Variants in SUGCT observed in about 807,000 individuals in gnomAD.
SUGCT encodes the protein succinyl-CoA:glutarate-CoA transferase.
A neutral mutation model predicts 55.0 loss-of-function variants in SUGCT; 41 were observed. The observed-to-expected ratio is 0.74, with a 90% CI of 0.58 to 0.97. The LOEUF is 0.97. Ranked by LOEUF, SUGCT falls within the 50% of genes least tolerant of loss-of-function variation. The pLI, the probability that SUGCT is intolerant of heterozygous loss-of-function variation, is 0.00. For missense variants in SUGCT, 568 were observed against 547.8 expected (o/e 1.04, Z -0.37); for synonymous variants, 187 against 200.4 (o/e 0.93, Z 0.56).
At chr7:40,835,687 AC>A (rs780935244) in intron 13 of SUGCT, among the ~76,000 whole-genome samples, 5 of 152,204 alleles carry the variant, frequency 3.3e-5, no homozygotes, top group Non-Finnish European at 5.9e-5. Flanking sequence ...GCTTTTAAAA[AC>A]ATAAACATAT....
intron 9 of SUGCT, among the ~76,000 whole-genome samples, chr7:40,336,441 A>T (rs1416591781): frequency 6.6e-6 from 1 of 152,152 alleles, no homozygotes; most frequent in African/African-American, 2.4e-5. Context: ...TTATTGGTCT[A>T]TTCAGGGATT....
intron 9 of SUGCT, among the ~76,000 whole-genome samples, chr7:40,440,035 T>C (rs1788418231): frequency 6.6e-6 from 1 of 151,886 alleles, no homozygotes. Flanking sequence ...TTAACTCCCT[T>C]TTTTTCCTAC....
chr7:40,484,557 C>T (rs1439922569), intron 11 of SUGCT, among the ~76,000 whole-genome samples: 2 of 152,080 alleles, frequency 1.3e-5, no homozygotes, highest in Non-Finnish European at 2.9e-5. Flanking sequence ...CTGAATGAAC[C>T]TAGAGAAATA....
chr7:40,286,450 A>G (rs1465223236), intron 8 of SUGCT, among the ~76,000 whole-genome samples: 1 of 152,124 alleles, frequency 6.6e-6, no homozygotes, highest in Non-Finnish European at 1.5e-5. Context: ...AAGATCTTTA[A>G]TGTTATCACA....
In SUGCT at chr7:40,459,237, T is replaced by A. The variant is rs763195309; in HGVS notation, c.986+39T>A. ...TTGTATTCATCCATTTAAGAATTAA[T>A]ATGTGATAAGCATTTATCTGGTGTT... On this transcript the variant is annotated intron_variant, in intron 11 of 13. Transcript: ENST00000335693. 4 of 1,306,832 alleles carry A rather than the reference T, an allele frequency of 3.1e-6. No individual in the cohort carries two copies. The South Asian group carries it at 5.0e-5, about 16-fold the overall frequency. 81.0% of individuals were successfully genotyped at this position (1,306,832 alleles called of 1,614,324 possible).
chr7:40,853,607 T>C (rs1010154680), intron 13 of SUGCT, among the ~76,000 whole-genome samples: 1 of 152,112 alleles, frequency 6.6e-6, no homozygotes, highest in Non-Finnish European at 1.5e-5. Flanking sequence ...TCAGGCAATC[T>C]GCCTCCCTTG....
chr7:40,253,622 G>T (rs1790594569), intron 7 of SUGCT, among the ~76,000 whole-genome samples: 1 of 152,074 alleles, frequency 6.6e-6, no homozygotes, highest in South Asian at 2.1e-4. Context: ...GAGTGCAGTG[G>T]CTCCACCTGT....
At chr7:40,280,311 A>T (rs1240492133) in intron 8 of SUGCT, among the ~76,000 whole-genome samples, 9 of 152,178 alleles carry the variant, frequency 5.9e-5, no homozygotes, top group Non-Finnish European at 1.2e-4. Context: ...TCCAGTCAAG[A>T]CAACTAACAT....
chr7:40,286,501 AG>A (rs1793353952), intron 8 of SUGCT, among the ~76,000 whole-genome samples: 1 of 152,162 alleles, frequency 6.6e-6, no homozygotes, highest in African/African-American at 2.4e-5. Context: ...GCATATTCAT[AG>A]GTTCTGGGGA....
At chr7:40,777,955 T>G (rs1789546990) in intron 13 of SUGCT, among the ~76,000 whole-genome samples, 1 of 152,046 alleles carries the variant, frequency 6.6e-6, no homozygotes, top group Non-Finnish European at 1.5e-5. Context: ...TCATAGTCAC[T>G]CCCCTCCTCA....
chr7:40,939,117 C>T, the SUGCT span, among the ~76,000 whole-genome samples: 2 of 152,094 alleles, frequency 1.3e-5, no homozygotes, highest in Non-Finnish European at 2.9e-5. Context: ...GACTTCAGTT[C>T]CACGTGGGTG....
chr7:40,139,498 G>A (rs1170175433), intron 1 of SUGCT, among the ~76,000 whole-genome samples: 1 of 152,154 alleles, frequency 6.6e-6, no homozygotes, highest in Non-Finnish European at 1.5e-5. Context: ...GTGCCCGGCT[G>A]ATGGTGAACA....
the SUGCT span, among the ~76,000 whole-genome samples, chr7:40,936,780 T>C: frequency 6.6e-6 from 1 of 152,032 alleles, no homozygotes; most frequent in Non-Finnish European, 1.5e-5. Flanking sequence ...TATTATATAT[T>C]ATGATATGTT....
Position 40,565,076 on chromosome 7 carries a change from T to C in SUGCT, c.1089+68690T>C, listed in dbSNP as rs549937492. Among the ~76,000 whole-genome samples the C allele has an allele frequency of 1.1e-3, 160 of 152,358 alleles. 4 individuals are homozygous for C. The South Asian group carries it at 0.033, about 31-fold the overall frequency. The stretch of plus-strand genomic sequence containing the variant: ...TACTGTAGATACTAAAAATATGTTG[T>C]GGATGTGGGCAGTTGTTATTACCAG... On this transcript the variant is annotated intron_variant, in intron 12 of 13. Transcript: ENST00000335693.
chr7:40,989,829 A>G, the SUGCT span, among the ~76,000 whole-genome samples: 245 of 152,250 alleles, frequency 1.6e-3, no homozygotes, highest in African/African-American at 5.8e-3. Context: ...TTTTATTATG[A>G]GATTGCAGAA....
intron 9 of SUGCT, among the ~76,000 whole-genome samples, chr7:40,422,683 A>G (rs114325044): frequency 1.6e-3 from 242 of 152,258 alleles, no homozygotes; most frequent in African/African-American, 4.5e-3. Flanking sequence ...TGAATTAAAC[A>G]TCAGGTGTCT....
rs543387765 is a variant in SUGCT, at chr7:40,597,954, G to GA, written c.1089+101578dup. 2.1e-3 allele frequency among the ~76,000 whole-genome samples: 310 copies of GA among 148,526 alleles called. 1 individual carries two copies. Among genetic ancestry groups the GA allele is most frequent in the South Asian group, 0.01 (48 of 4,688 alleles). On this transcript the variant is annotated intron_variant, in intron 12 of 13. Coordinates refer to ENST00000335693, the MANE Select transcript of SUGCT (RefSeq NM_001193313.2). ...ATCTGCCTCCTCTATTAGTTTCTCC[G>GA]AAAAAAAAAATCCAGTGTATTATTT...
intron 6 of SUGCT, among the ~76,000 whole-genome samples, chr7:40,233,567 C>A (rs1227598929): frequency 6.6e-6 from 1 of 152,080 alleles, no homozygotes; most frequent in Admixed American, 6.6e-5. Context: ...ATTCCACGTA[C>A]AAAATATCTT....
At position 40,697,432 on chromosome 7, in the gene SUGCT, C is replaced by T. The variant is rs190705839; in HGVS notation, c.1090-52002C>T. Among the ~76,000 whole-genome samples the T allele has an allele frequency of 1.9e-3, 287 of 152,114 alleles. 1 individual carries two copies. Among genetic ancestry groups the T allele is most frequent in the African/African-American group, 6.4e-3 (264 of 41,498 alleles). ...GGTGGATCACTTGAGGTCAGGAGTTCGAGACCAGCCTGGCCAACGTGGTGA... is the reference window on the plus strand; with the variant it reads ...GGTGGATCACTTGAGGTCAGGAGTTTGAGACCAGCCTGGCCAACGTGGTGA... On this transcript the variant is annotated intron_variant, in intron 12 of 13. Coordinates refer to ENST00000335693, the MANE Select transcript of SUGCT (RefSeq NM_001193313.2).
Sources: gnomAD v4.1 joint callset for allele counts (sites outside exome capture counted in the v4.1 genomes callset) on GRCh38, gnomAD v4.1.1 for gene constraint, MANE v1.5 for transcripts, NCBI Gene and HGNC (gene_info 2026-07-23, HGNC 2026-07-21) for gene names.